RAB27A: variants seen among roughly 807,000 people sequenced by gnomAD.
RAB27A encodes RAB27A, member RAS oncogene family.
In RAB27A, 17 loss-of-function variants were observed where a neutral mutation model predicts 20.8. That is an observed-to-expected ratio of 0.82 (90% CI 0.56 to 1.23). The LOEUF (loss-of-function observed/expected upper bound fraction) is 1.23. Ranked by LOEUF, RAB27A falls within the 50% of genes most tolerant of loss-of-function variation. RAB27A has a pLI of 0.00. For synonymous variants in RAB27A, 85 were observed against 92.8 expected (o/e 0.92, Z 0.48); for missense variants, 277 against 266.7 (o/e 1.04, Z -0.27).
At chr15:55,241,057 G>A (rs73409884) in intron 2 of RAB27A, among the ~76,000 whole-genome samples, 1,627 of 152,286 alleles carry the variant, frequency 0.011, 38 homozygotes, top group African/African-American at 0.038. Flanking sequence ...AGTATTAGCT[G>A]TTATTAGCAG....
At chr15:55,257,068 G>C (rs1002658127) in intron 2 of RAB27A, among the ~76,000 whole-genome samples, 1 of 152,178 alleles carries the variant, frequency 6.6e-6, no homozygotes. Context: ...ACAGCAAAGA[G>C]AACACCAAAG....
chr15:55,232,484 G>A (rs1008094513), intron 3 of RAB27A, among the ~76,000 whole-genome samples: 5 of 152,086 alleles, frequency 3.3e-5, no homozygotes, highest in Admixed American at 1.3e-4. Context: ...AAAAAACAAC[G>A]AATAGAAATT....
upstream of RAB27A, chr15:55,319,123 C>G: frequency 8.5e-7 from 1 of 1,173,388 alleles, no homozygotes; most frequent in Non-Finnish European, 1.2e-6. Flanking sequence ...GTGGGAGCTA[C>G]GAAGTTGCCC....
Position 55,254,105 on chromosome 15 carries a change from A to T in RAB27A, c.-23+16060T>A, listed in dbSNP as rs146197301. Among the ~76,000 whole-genome samples, 1,465 of 152,344 alleles carry T rather than the reference A, an allele frequency of 9.6e-3. 89 individuals are homozygous for T. Among genetic ancestry groups the T allele is most frequent in the Admixed American group, 0.088 (1,341 of 15,300 alleles). Reference sequence around the variant, plus strand: ...ACATGAAAATCAATCTCATAATTCTACAATCACATTTTAGTATGTCCACAT... The same window carrying T: ...ACATGAAAATCAATCTCATAATTCTTCAATCACATTTTAGTATGTCCACAT... On this transcript the variant is annotated intron_variant, in intron 2 of 6. Transcript: ENST00000336787.
At chr15:55,262,126 G>A (rs913352874) in intron 2 of RAB27A, among the ~76,000 whole-genome samples, 6 of 151,544 alleles carry the variant, frequency 4.0e-5, no homozygotes, top group Admixed American at 1.3e-4. Flanking sequence ...TGTCACTACT[G>A]TGATAACTTT....
At chr15:55,213,258 T>C (rs566609465) in intron 6 of RAB27A, among the ~76,000 whole-genome samples, 1 of 152,338 alleles carries the variant, frequency 6.6e-6, no homozygotes, top group South Asian at 2.1e-4. Context: ...TTGAAGAATG[T>C]TTTTGTTTTT....
chr15:55,276,134 A>G (rs1344892749), intron 1 of RAB27A, among the ~76,000 whole-genome samples: 1 of 152,162 alleles, frequency 6.6e-6, no homozygotes, highest in East Asian at 1.9e-4. Flanking sequence ...AAAGAATTGA[A>G]ATCAGGATTT....
intron 5 of RAB27A, among the ~76,000 whole-genome samples, chr15:55,227,998 C>T (rs577060312): frequency 1.4e-4 from 21 of 152,220 alleles, no homozygotes; most frequent in African/African-American, 4.8e-4. Context: ...TGGCTATGAA[C>T]CAATCATTTA....
upstream of RAB27A, among the ~76,000 whole-genome samples, chr15:55,294,550 T>C (rs1167372040): frequency 2.6e-5 from 3 of 115,070 alleles, no homozygotes; most frequent in Admixed American, 4.0e-4. Flanking sequence ...ATCGTGCCAC[T>C]ACACACCAGC....
intron 2 of RAB27A, among the ~76,000 whole-genome samples, chr15:55,236,808 G>A (rs1896276674): frequency 6.6e-6 from 1 of 151,904 alleles, no homozygotes; most frequent in Non-Finnish European, 1.5e-5. Context: ...AGGTATTTAG[G>A]GTATTTATTT....
intron 6 of RAB27A, among the ~76,000 whole-genome samples, chr15:55,215,291 T>C (rs17238178): frequency 0.12 from 18,732 of 152,124 alleles, 1,462 homozygotes; most frequent in Admixed American, 0.2. Flanking sequence ...TGAGAAAACA[T>C]AGTGAAAGTA....
intron 2 of RAB27A, among the ~76,000 whole-genome samples, chr15:55,254,870 T>A (rs1897023656): frequency 6.6e-6 from 1 of 152,218 alleles, no homozygotes; most frequent in African/African-American, 2.4e-5. Flanking sequence ...TGTCTATGGA[T>A]TTTTGTGACC....
At chr15:55,238,291 C>T (rs1271255434) in intron 2 of RAB27A, 1 of 152,080 alleles carries the variant, frequency 6.6e-6, no homozygotes, top group African/African-American at 2.4e-5. Flanking sequence ...AGTCCAATGC[C>T]TATTCTACCC....
intron 2 of RAB27A, among the ~76,000 whole-genome samples, chr15:55,303,461 C>G (rs866521968): frequency 6.3e-4 from 31 of 49,138 alleles, no homozygotes; most frequent in Admixed American, 1.7e-3. Flanking sequence ...GCCCGGCCAG[C>G]CGCCCCGTCT....
intron 2 of RAB27A, among the ~76,000 whole-genome samples, chr15:55,312,186 G>T (rs1566942354): frequency 6.6e-6 from 1 of 152,252 alleles, no homozygotes; most frequent in Non-Finnish European, 1.5e-5. Flanking sequence ...GAGCACAGCA[G>T]ACACCCTGCT....
intron 2 of RAB27A, 85 bp from the exon 3 acceptor site, chr15:55,235,041 T>G: frequency 9.2e-7 from 1 of 1,088,220 alleles, no homozygotes; most frequent in Non-Finnish European, 1.3e-6. Flanking sequence ...AATATTCAGT[T>G]TAACACCTAA....
chr15:55,251,683 A>G (rs964930951), intron 2 of RAB27A, among the ~76,000 whole-genome samples: 4 of 152,230 alleles, frequency 2.6e-5, no homozygotes, highest in African/African-American at 9.6e-5. Context: ...TTTGTGCTGT[A>G]TCAGAAGCCA....
intron 2 of RAB27A, among the ~76,000 whole-genome samples, chr15:55,259,017 T>C (rs1269688687): frequency 6.6e-6 from 1 of 152,050 alleles, no homozygotes; most frequent in African/African-American, 2.4e-5. Context: ...GGTTTTCCCA[T>C]GTTAGCCAGG....
At chr15:55,314,728 A>AG (rs2055035970) in intron 1 of RAB27A, among the ~76,000 whole-genome samples, 1 of 152,194 alleles carries the variant, frequency 6.6e-6, no homozygotes, top group Non-Finnish European at 1.5e-5. Flanking sequence ...GACCTCTTCA[A>AG]GGAGAACTAC....
Sources: allele counts gnomAD v4.1 joint callset (sites outside exome capture counted in the v4.1 genomes callset), GRCh38; gene constraint gnomAD v4.1.1; transcripts MANE v1.5; gene names NCBI Gene and HGNC (gene_info 2026-07-23, HGNC 2026-07-21).